The following MACROD2 variants were observed in gnomAD, a reference collection of about 807,000 sequenced individuals.
MACROD2 encodes ADP-ribose glycohydrolase MACROD2.
MACROD2 carries 36 observed loss-of-function variants against 70.4 expected under a neutral mutation model. The observed-to-expected ratio is 0.51, with a 90% CI of 0.39 to 0.68. The LOEUF is 0.68. Among genes scored for constraint, MACROD2 ranks in the 30% least tolerant of loss-of-function variants. The pLI, the probability that MACROD2 is intolerant of heterozygous loss-of-function variation, is 0.00. For synonymous variants in MACROD2, 172 were observed against 178.8 expected (o/e 0.96, Z 0.30); for missense variants, 496 against 538.4 (o/e 0.92, Z 0.78).
chr20:14,141,254 T>G (rs555108348), intron 3 of MACROD2, among the ~76,000 whole-genome samples: 6 of 152,322 alleles, frequency 3.9e-5, no homozygotes, highest in Non-Finnish European at 8.8e-5. Context: ...CACTTCAGTT[T>G]CCTCATCCAT....
In MACROD2 at chr20:14,808,615, C is replaced by G. The variant is rs543451586; in HGVS notation, c.418+123656C>G. 6.6e-5 allele frequency among the ~76,000 whole-genome samples: 10 copies of G among 152,026 alleles called. No individual in the cohort carries two copies. In the South Asian group the frequency reaches 2.1e-3, roughly 32 times the overall value. On this transcript the variant is annotated intron_variant, in intron 5 of 17. Coordinates refer to ENST00000684519, the MANE Select transcript of MACROD2 (RefSeq NM_001351661.2). ...ATCTTAAATGTAAACAGGCTAAATG[C>G]CCCAATTAAAAGATATAAACTAGCA...
chr20:14,661,809 A>G (rs987370646), intron 4 of MACROD2, among the ~76,000 whole-genome samples: 3 of 152,148 alleles, frequency 2.0e-5, no homozygotes, highest in Non-Finnish European at 4.4e-5. Flanking sequence ...TTCTTTTCAA[A>G]AAACACATTT....
At chr20:15,907,857 A>C (rs2065171551) in intron 10 of MACROD2, among the ~76,000 whole-genome samples, 1 of 152,198 alleles carries the variant, frequency 6.6e-6, no homozygotes, top group Non-Finnish European at 1.5e-5. Flanking sequence ...TCTCTCTAGA[A>C]CATTCTCTAG....
chr20:14,063,405 C>A (rs1249988566), intron 2 of MACROD2, among the ~76,000 whole-genome samples: 2 of 152,158 alleles, frequency 1.3e-5, no homozygotes, highest in African/African-American at 4.8e-5. Context: ...GATCTATGCT[C>A]AATTTTAGGC....
chr20:14,868,897 T>C (rs1186971341), intron 5 of MACROD2, among the ~76,000 whole-genome samples: 1 of 152,164 alleles, frequency 6.6e-6, no homozygotes, highest in African/African-American at 2.4e-5. Flanking sequence ...TTTCTTTGCA[T>C]ATCTCTCCTG....
chr20:14,613,834 T>A (rs1983313653), intron 4 of MACROD2, among the ~76,000 whole-genome samples: 2 of 152,106 alleles, frequency 1.3e-5, no homozygotes, highest in African/African-American at 4.8e-5. Context: ...TGCAAATTTT[T>A]AAACATATAT....
At chr20:14,159,661 A>G (rs1197464382) in intron 3 of MACROD2, among the ~76,000 whole-genome samples, 2 of 152,194 alleles carry the variant, frequency 1.3e-5, no homozygotes, top group Admixed American at 1.3e-4. Flanking sequence ...AGATTATATC[A>G]TAGGCAGAGA....
At chr20:16,012,019 C>T (rs1320559897) in intron 15 of MACROD2, among the ~76,000 whole-genome samples, 1 of 152,206 alleles carries the variant, frequency 6.6e-6, no homozygotes, top group Non-Finnish European at 1.5e-5. Context: ...CAGTCAGCAC[C>T]ATCAGCTACT....
rs139469750 is a variant in MACROD2, at chr20:14,980,416, A to G, written c.419-249524A>G. Among the ~76,000 whole-genome samples, 64 of 152,102 alleles carry G rather than the reference A, an allele frequency of 4.2e-4. No individual in the cohort carries two copies. In the Middle Eastern group the frequency reaches 0.01, roughly 24 times the overall value. Reference sequence around the variant, plus strand: ...AGCAAGACGGCCCTCACCAGATGCAACCCCTCAACCTTCTCAGACTCTGTA... The same window carrying G: ...AGCAAGACGGCCCTCACCAGATGCAGCCCCTCAACCTTCTCAGACTCTGTA... On this transcript the variant is annotated intron_variant, in intron 5 of 17. Coordinates refer to ENST00000684519, the MANE Select transcript of MACROD2 (RefSeq NM_001351661.2).
intron 2 of MACROD2, among the ~76,000 whole-genome samples, chr20:14,025,454 C>T (rs1173031021): frequency 6.6e-6 from 1 of 151,424 alleles, no homozygotes; most frequent in Non-Finnish European, 1.5e-5. Flanking sequence ...GATTTTAGAT[C>T]TTTCCCACTT....
At chr20:15,241,294 T>A (rs542094683) in intron 6 of MACROD2, among the ~76,000 whole-genome samples, 2 of 152,218 alleles carry the variant, frequency 1.3e-5, no homozygotes, top group Admixed American at 1.3e-4. Context: ...ACTTGAGATA[T>A]AGCTGCCCTT....
chr20:14,902,731 A>T (rs1300443380), intron 5 of MACROD2, among the ~76,000 whole-genome samples: 1 of 152,136 alleles, frequency 6.6e-6, no homozygotes, highest in African/African-American at 2.4e-5. Flanking sequence ...TCTAGGGAAC[A>T]TGTAGTCTAA....
chr20:15,848,675 T>C (rs175808), intron 8 of MACROD2, among the ~76,000 whole-genome samples: 25,290 of 152,128 alleles, frequency 0.17, 2,315 homozygotes, highest in South Asian at 0.36. Context: ...ATGGACAACC[T>C]ACAGAGGGTA....
chr20:14,336,108 T>C (rs955487965), intron 3 of MACROD2, among the ~76,000 whole-genome samples: 1 of 152,120 alleles, frequency 6.6e-6, no homozygotes, highest in African/African-American at 2.4e-5. Flanking sequence ...ATTCTTTATG[T>C]TTAGGCTGGT....
intron 5 of MACROD2, among the ~76,000 whole-genome samples, chr20:15,119,430 AG>A (rs1344791577): frequency 6.6e-6 from 1 of 152,216 alleles, no homozygotes; most frequent in Non-Finnish European, 1.5e-5. Context: ...AGGTGCAAAC[AG>A]GGCTGTGATT....
intron 3 of MACROD2, among the ~76,000 whole-genome samples, chr20:14,448,052 T>C (rs1348773934): frequency 1.3e-5 from 2 of 150,940 alleles, no homozygotes; most frequent in African/African-American, 4.9e-5. Context: ...GATGTAAACA[T>C]CTGCGAGGCC....
At chr20:15,667,745 T>A (rs2049921376) in intron 8 of MACROD2, among the ~76,000 whole-genome samples, 2 of 152,208 alleles carry the variant, frequency 1.3e-5, no homozygotes, top group African/African-American at 4.8e-5. Context: ...TTGAAACCAA[T>A]CATAGATTAA....
At chr20:15,258,408 T>C (rs1443399404) in intron 6 of MACROD2, among the ~76,000 whole-genome samples, 2 of 152,130 alleles carry the variant, frequency 1.3e-5, no homozygotes, top group Non-Finnish European at 2.9e-5. Flanking sequence ...GGTGTACCCT[T>C]TAAAGAAATC....
intron 4 of MACROD2, among the ~76,000 whole-genome samples, chr20:14,497,404 C>G (rs1031511779): frequency 6.6e-6 from 1 of 151,728 alleles, no homozygotes; most frequent in Non-Finnish European, 1.5e-5. Context: ...AAATATAAAT[C>G]ATTGTAGCCA....
Sources: gnomAD v4.1 joint callset for allele counts (sites outside exome capture counted in the v4.1 genomes callset) on GRCh38, gnomAD v4.1.1 for gene constraint, MANE v1.5 for transcripts, NCBI Gene and HGNC (gene_info 2026-07-23, HGNC 2026-07-21) for gene names.